Variants in KIF4A observed in about 807,000 individuals in gnomAD.
KIF4A encodes kinesin family member 4A, also known as chromosome-associated kinesin KIF4A.
A neutral mutation model predicts 105.9 loss-of-function variants in KIF4A; 7 were observed. That is an observed-to-expected ratio of 0.07 (90% CI 0.04 to 0.12). KIF4A has a LOEUF of 0.12. Among genes scored for constraint, KIF4A ranks in the 10% least tolerant of loss-of-function variants. The pLI, the probability that KIF4A is intolerant of heterozygous loss-of-function variation, is 1.00. For missense variants in KIF4A, 558 were observed against 929.2 expected, an observed-to-expected ratio of 0.60 and a Z score of 5.19; for synonymous variants, 281 against 331.3, an observed-to-expected ratio of 0.85 and a Z score of 1.65.
intron 7 of KIF4A, among the ~76,000 whole-genome samples, chrX:70,314,006 A>G (rs1193917795): frequency 3.6e-5 from 4 of 112,105 alleles, no homozygotes; most frequent in Non-Finnish European, 7.5e-5. Flanking sequence ...CAATTCCATC[A>G]TCTGTGTTTT....
At chrX:70,407,191 TCTG>T in intron 28 of KIF4A, 116 bp downstream of exon 28, 1 of 799,086 alleles carries the variant, frequency 1.3e-6, no homozygotes, top group Non-Finnish European at 1.8e-6. Flanking sequence ...CACTGCAACC[TCTG>T]CCTCCCAAGT....
chrX:70,407,222 C>G, intron 28 of KIF4A, 147 bp downstream of exon 28: 1 of 613,485 alleles, frequency 1.6e-6, no homozygotes. Flanking sequence ...ATTCTCGTGT[C>G]TCAGCCTCCT....
At chrX:70,382,110 C>T (rs1482017703) in intron 18 of KIF4A, among the ~76,000 whole-genome samples, 1 of 112,148 alleles carries the variant, frequency 8.9e-6, no homozygotes, top group African/African-American at 3.2e-5. Flanking sequence ...CTAGAACAAC[C>T]GGGTAGTCAT....
Position 70,337,541 on chromosome X carries a change from GCAC to G in KIF4A, c.1133+3854_1133+3856del, listed in dbSNP as rs2085955299. Among the ~76,000 whole-genome samples the G allele has an allele frequency of 2.7e-5, 3 of 110,913 alleles. No individual in the cohort carries two copies. In the South Asian group the frequency reaches 1.2e-3, roughly 43 times the overall value. ...CAAAATTAGCTAGGTATGATGGTGT[GCAC>G]CTGTAGTCCCAGCTACTTGGGAGGC... is the stretch of plus-strand genomic sequence containing the variant. On this transcript the variant is annotated intron_variant, in intron 10 of 30. Coordinates refer to ENST00000374403, the MANE Select transcript of KIF4A (RefSeq NM_012310.5).
intron 15 of KIF4A, among the ~76,000 whole-genome samples, chrX:70,357,863 A>G (rs1426831029): frequency 9.0e-6 from 1 of 111,045 alleles, no homozygotes; most frequent in Non-Finnish European, 1.9e-5. Context: ...TAATTTCACA[A>G]TGATGGACCT....
chrX:70,419,988 T>C (rs775328896), intron 30 of KIF4A, 74 bp from the exon 31 acceptor site: 81 of 1,040,164 alleles, frequency 7.8e-5, no homozygotes, highest in Admixed American at 5.1e-4. Flanking sequence ...ATGTCGAGCA[T>C]CTATAGCAGC....
At chrX:70,294,213 A>T (rs2085772018) in intron 3 of KIF4A, among the ~76,000 whole-genome samples, 2 of 111,824 alleles carry the variant, frequency 1.8e-5, no homozygotes, top group African/African-American at 6.5e-5. Flanking sequence ...CTTCAATATC[A>T]CTGTCTTCCA....
At chrX:70,336,995 A>C in intron 10 of KIF4A, among the ~76,000 whole-genome samples, 1 of 112,461 alleles carries the variant, frequency 8.9e-6, no homozygotes, top group Middle Eastern at 4.6e-3. Context: ...GGAATCATAC[A>C]GTATTTGTCT....
At chrX:70,374,290 C>T (rs754795648) in intron 16 of KIF4A, 36 bp downstream of exon 16, 134 of 925,942 alleles carry the variant, frequency 1.4e-4, no homozygotes, top group South Asian at 2.3e-4. Context: ...TTTCAAGTCC[C>T]TACTATGTGT....
chrX:70,418,313 G>A (rs1348654045), intron 29 of KIF4A, among the ~76,000 whole-genome samples: 1 of 111,670 alleles, frequency 9.0e-6, no homozygotes, highest in Non-Finnish European at 1.9e-5. Context: ...AAGAAAGCAG[G>A]CATTCACAGG....
At chrX:70,376,291 A>G in intron 18 of KIF4A, 81 bp downstream of exon 18, 1 of 526,162 alleles carries the variant, frequency 1.9e-6, no homozygotes, top group Non-Finnish European at 3.2e-6. Context: ...TTCTCTTCAA[A>G]CACCTCGTGT....
intron 5 of KIF4A, 50 bp downstream of exon 5, chrX:70,299,252 T>C: frequency 9.7e-7 from 1 of 1,031,503 alleles, no homozygotes; most frequent in Non-Finnish European, 1.3e-6. Flanking sequence ...GCAATTATAA[T>C]ACTAAAGTTC....
chrX:70,304,649 C>CTTTTT (rs138222376), intron 7 of KIF4A, among the ~76,000 whole-genome samples: 19 of 51,525 alleles, frequency 3.7e-4, no homozygotes, highest in East Asian at 6.8e-4. Flanking sequence ...TACTTCATTC[C>CTTTTT]TTTTTTTTTT....
intron 4 of KIF4A, among the ~76,000 whole-genome samples, chrX:70,297,800 T>C (rs996095203): frequency 8.9e-6 from 1 of 112,038 alleles, no homozygotes; most frequent in African/African-American, 3.2e-5. Flanking sequence ...TTTAGGGAAC[T>C]GATGGCTTCT....
rs776834325 is a variant in KIF4A at position 70,306,404 on chromosome X, A to G, written c.778+4006A>G. On this transcript the variant is annotated intron_variant, in intron 7 of 30. Transcript: ENST00000374403. ...CTGCAAAAAAGCCAGCTGGGATTTT[A>G]TAGAGATTTCGCTGAATCTGTAGAC... 5.3e-5 allele frequency among the ~76,000 whole-genome samples: 6 copies of G among 112,637 alleles called. No homozygotes were observed. In the East Asian group the frequency reaches 1.7e-3, roughly 31 times the overall value.
intron 22 of KIF4A, chrX:70,396,409 A>T (rs748792623): frequency 8.2e-4 from 101 of 123,799 alleles, no homozygotes; most frequent in Admixed American, 7.6e-3. Flanking sequence ...AATTTTTAAA[A>T]GGAAATTCAG....
At chrX:70,359,865 T>G in intron 15 of KIF4A, among the ~76,000 whole-genome samples, 1 of 110,980 alleles carries the variant, frequency 9.0e-6, no homozygotes, top group African/African-American at 3.3e-5. Context: ...ATTCTGTTAG[T>G]AGGGAGGAAG....
chrX:70,406,013 G>T (rs1351263887), intron 26 of KIF4A, 108 bp downstream of exon 26: 2 of 615,305 alleles, frequency 3.3e-6, no homozygotes, highest in Non-Finnish European at 2.7e-6. Context: ...ATTTCATGAG[G>T]TCTACATTTA....
intron 7 of KIF4A, among the ~76,000 whole-genome samples, chrX:70,323,724 T>A (rs1248583878): frequency 8.9e-6 from 1 of 111,789 alleles, no homozygotes; most frequent in African/African-American, 3.2e-5. Flanking sequence ...CTATATCCAT[T>A]TTAAAAACAC....
Sources: gnomAD v4.1 joint callset for allele counts (sites outside exome capture counted in the v4.1 genomes callset) on GRCh38, gnomAD v4.1.1 for gene constraint, MANE v1.5 for transcripts, NCBI Gene and HGNC (gene_info 2026-07-23, HGNC 2026-07-21) for gene names.